Variants in LINC00632 observed in about 807,000 individuals in gnomAD.
The protein encoded by LINC00632 is long independently transcribed non-coding RNA 632, also known as ALDOA related specific transcript.
chrX:140,739,673 T>C (rs1223017349), intron 3 of LINC00632, among the ~76,000 whole-genome samples: 1 of 111,825 alleles, frequency 8.9e-6, no homozygotes, highest in South Asian at 3.7e-4. Flanking sequence ...TATATATTTT[T>C]ATTATGTATC....
chrX:140,724,373 C>T (rs1930864395), intron 2 of LINC00632, among the ~76,000 whole-genome samples: 1 of 4,903 alleles, frequency 2.0e-4, no homozygotes, highest in Non-Finnish European at 5.3e-4. Flanking sequence ...CATACACACA[C>T]ACACAGTCCA....
In LINC00632 at chrX:140,773,034, C is replaced by T. The variant is rs377351005; in HGVS notation, n.1148C>T. Among the ~76,000 whole-genome samples the T allele has an allele frequency of 6.3e-5, 7 of 111,337 alleles. No homozygotes were observed. The South Asian group carries it at 2.3e-3, about 37-fold the overall frequency. ...TACAAAAATTAGCCAGGATTGGTGG[C>T]GGGTACCTGTAATCTCAGCTACTCA... On this transcript the variant is annotated non_coding_transcript_exon_variant, in exon 4 of 5. Coordinates refer to ENST00000648200, the Ensembl canonical transcript of LINC00632.
At chrX:140,723,329 TACAC>T (rs1347054834) in intron 2 of LINC00632, among the ~76,000 whole-genome samples, 15 of 69,759 alleles carry the variant, frequency 2.2e-4, no homozygotes, top group Admixed American at 3.4e-4. Context: ...ACACATTCCA[TACAC>T]ACAGACACAT....
exon 5 of LINC00632, among the ~76,000 whole-genome samples, chrX:140,781,006 G>A (rs1022315475): frequency 2.7e-5 from 3 of 110,208 alleles, no homozygotes; most frequent in African/African-American, 9.9e-5. Flanking sequence ...CCTTATGTAC[G>A]GTTCTGATTC....
chrX:140,758,682 G>GT (rs1399711248), intron 3 of LINC00632, among the ~76,000 whole-genome samples: 26 of 111,668 alleles, frequency 2.3e-4, no homozygotes, highest in African/African-American at 7.8e-4. Context: ...CTGGCTGAAA[G>GT]TTATATTTTC....
intron 3 of LINC00632, among the ~76,000 whole-genome samples, chrX:140,760,474 G>T (rs965707139): frequency 9.0e-6 from 1 of 111,602 alleles, no homozygotes; most frequent in Non-Finnish European, 1.9e-5. Flanking sequence ...TAAAACAGAA[G>T]AAATAGCTTG....
At chrX:140,725,270 TCACACATTCCATACACA>T (rs977515807) in intron 2 of LINC00632, among the ~76,000 whole-genome samples, 3 of 7,332 alleles carry the variant, frequency 4.1e-4, no homozygotes, top group Non-Finnish European at 8.8e-4. Flanking sequence ...ACACACACAG[TCACACATTCCATACACA>T]CACACATTCC....
chrX:140,749,584 G>A (rs1002268563), intron 3 of LINC00632, among the ~76,000 whole-genome samples: 4 of 111,433 alleles, frequency 3.6e-5, no homozygotes, highest in African/African-American at 1.3e-4. Context: ...TAAGAAGTAG[G>A]GGAGGAGGAA....
chrX:140,715,477 C>T (rs1930609558), intron 2 of LINC00632, among the ~76,000 whole-genome samples: 2 of 110,250 alleles, frequency 1.8e-5, no homozygotes, highest in Admixed American at 2.0e-4. Flanking sequence ...TGCTTGTAGT[C>T]CCAGCTACTC....
chrX:140,731,233 G>T (rs763228110), intron 2 of LINC00632, among the ~76,000 whole-genome samples: 3 of 111,894 alleles, frequency 2.7e-5, no homozygotes, highest in African/African-American at 9.7e-5. Context: ...TTACCTATTT[G>T]TAAACATGGA....
chrX:140,732,349 C>T (rs1931072785), intron 2 of LINC00632, among the ~76,000 whole-genome samples: 1 of 111,820 alleles, frequency 8.9e-6, no homozygotes, highest in Admixed American at 9.5e-5. Context: ...ACAGAAATAC[C>T]GAAGCAGACT....
intron 3 of LINC00632, among the ~76,000 whole-genome samples, chrX:140,742,901 G>GA (rs1569351831): frequency 9.9e-6 from 1 of 101,505 alleles, no homozygotes; most frequent in Non-Finnish European, 2.0e-5. Context: ...GGAAGGAAAG[G>GA]AAAGGAAAAG....
At chrX:140,765,545 G>C (rs1255514278) in intron 3 of LINC00632, among the ~76,000 whole-genome samples, 1 of 111,930 alleles carries the variant, frequency 8.9e-6, no homozygotes, top group Non-Finnish European at 1.9e-5. Flanking sequence ...GAAGAGGGAC[G>C]CCTCTATGCT....
At chrX:140,750,331 T>C (rs1931391722) in intron 3 of LINC00632, among the ~76,000 whole-genome samples, 1 of 110,716 alleles carries the variant, frequency 9.0e-6, no homozygotes. Context: ...GTTCAAGAGA[T>C]CTATTGTACA....
At chrX:140,724,362 C>T (rs1393874848) in intron 2 of LINC00632, among the ~76,000 whole-genome samples, 1 of 108,445 alleles carries the variant, frequency 9.2e-6, no homozygotes, top group Admixed American at 9.8e-5. Context: ...GACATGCATT[C>T]CATACACACA....
At chrX:140,725,968 C>T (rs1490350609) in intron 2 of LINC00632, among the ~76,000 whole-genome samples, 1 of 111,680 alleles carries the variant, frequency 9.0e-6, no homozygotes, top group Non-Finnish European at 1.9e-5. Flanking sequence ...CTCAATAACA[C>T]TGATTGCTTC....
intron 2 of LINC00632, among the ~76,000 whole-genome samples, chrX:140,732,273 T>G (rs1931071404): frequency 9.0e-6 from 1 of 111,714 alleles, no homozygotes; most frequent in Admixed American, 9.5e-5. Flanking sequence ...GCTCTATAAA[T>G]GTACTTGCAT....
exon 5 of LINC00632, chrX:140,784,077 A>T: frequency 1.7e-6 from 2 of 1,210,890 alleles, no homozygotes; most frequent in Non-Finnish European, 2.2e-6. Flanking sequence ...CAGCAAGTCC[A>T]CGTCTTCCAA....
chrX:140,763,352 G>A (rs1602750163), intron 3 of LINC00632, among the ~76,000 whole-genome samples: 1 of 104,151 alleles, frequency 9.6e-6, no homozygotes, highest in Admixed American at 1.0e-4. Context: ...GCAGTGAGCC[G>A]AGATTGTGCC....
Sources: allele counts gnomAD v4.1 joint callset (sites outside exome capture counted in the v4.1 genomes callset), GRCh38; gene constraint gnomAD v4.1.1; transcripts MANE v1.5; gene names NCBI Gene and HGNC (gene_info 2026-07-23, HGNC 2026-07-21).